The following MACROD2 variants were observed in gnomAD, a reference collection of about 807,000 sequenced individuals.
MACROD2 encodes the protein mono-ADP ribosylhydrolase 2.
In MACROD2, 36 loss-of-function variants were observed where a neutral mutation model predicts 70.4. The ratio of observed to expected loss-of-function variants is 0.51; its 90% CI spans 0.39 to 0.68. MACROD2 has a LOEUF of 0.68. MACROD2 is among the 30% of genes least tolerant of loss of function. MACROD2 has a pLI of 0.00. For missense variants in MACROD2, 496 were observed against 538.4 expected (o/e 0.92, Z 0.78); for synonymous variants, 172 against 178.8 (o/e 0.96, Z 0.30).
At chr20:15,720,598 G>A (rs1169775657) in intron 8 of MACROD2, among the ~76,000 whole-genome samples, 4 of 152,034 alleles carry the variant, frequency 2.6e-5, no homozygotes, top group Admixed American at 1.3e-4. Flanking sequence ...TTAGTGTTTC[G>A]GTTATGGGTT....
At chr20:15,338,969 C>T (rs1039382900) in intron 6 of MACROD2, among the ~76,000 whole-genome samples, 3 of 151,796 alleles carry the variant, frequency 2.0e-5, no homozygotes, top group Non-Finnish European at 2.9e-5. Flanking sequence ...CATTTGGCAG[C>T]CACTGAAGCT....
intron 8 of MACROD2, among the ~76,000 whole-genome samples, chr20:15,858,977 TAAC>T (rs2147158479): frequency 6.6e-6 from 1 of 152,302 alleles, no homozygotes; most frequent in East Asian, 1.9e-4. Context: ...CCCAGGTACT[TAAC>T]TACTAATAGC....
chr20:14,938,516 C>T (rs1250032290), intron 5 of MACROD2, among the ~76,000 whole-genome samples: 1 of 152,096 alleles, frequency 6.6e-6, no homozygotes, highest in African/African-American at 2.4e-5. Context: ...CACAGTGGCT[C>T]ACACCTGTAA....
At chr20:14,120,140 G>T (rs147292221) in intron 3 of MACROD2, among the ~76,000 whole-genome samples, 473 of 146,122 alleles carry the variant, frequency 3.2e-3, no homozygotes, top group East Asian at 0.011. Flanking sequence ...TTGAACCCAG[G>T]AGGCAAAGGT....
intron 3 of MACROD2, among the ~76,000 whole-genome samples, chr20:14,265,294 G>C (rs1357958741): frequency 1.3e-5 from 2 of 152,130 alleles, no homozygotes; most frequent in Non-Finnish European, 2.9e-5. Flanking sequence ...GTCCTGGTAA[G>C]GGTTGTATGA....
intron 6 of MACROD2, among the ~76,000 whole-genome samples, chr20:15,317,708 G>A (rs1288696484): frequency 6.6e-6 from 1 of 151,816 alleles, no homozygotes; most frequent in African/African-American, 2.4e-5. Flanking sequence ...GAGTCTAAAG[G>A]CAGAAAAATA....
intron 8 of MACROD2, among the ~76,000 whole-genome samples, chr20:15,734,954 GTGTTTGTT>G (rs529238312): frequency 2.6e-5 from 4 of 152,090 alleles, no homozygotes; most frequent in South Asian, 4.2e-4. Context: ...CTTGAGTTTT[GTGTTTGTT>G]TGTTTGTTTG....
At chr20:14,531,344 G>A (rs1228443965) in intron 4 of MACROD2, among the ~76,000 whole-genome samples, 1 of 152,140 alleles carries the variant, frequency 6.6e-6, no homozygotes, top group African/African-American at 2.4e-5. Context: ...AAGGTCAGAG[G>A]GATACTGGAG....
intron 3 of MACROD2, among the ~76,000 whole-genome samples, chr20:14,372,177 A>C (rs2083331441): frequency 6.6e-6 from 1 of 152,218 alleles, no homozygotes; most frequent in Non-Finnish European, 1.5e-5. Flanking sequence ...TGTACTCGGA[A>C]GTACTACATC....
At chr20:14,433,115 C>T (rs1022370485) in intron 3 of MACROD2, among the ~76,000 whole-genome samples, 1 of 151,970 alleles carries the variant, frequency 6.6e-6, no homozygotes, top group African/African-American at 2.4e-5. Flanking sequence ...AAAAATAGAC[C>T]AGTTCATATT....
intron 6 of MACROD2, among the ~76,000 whole-genome samples, chr20:15,335,802 T>C (rs2146198798): frequency 6.6e-6 from 1 of 151,776 alleles, no homozygotes; most frequent in East Asian, 1.9e-4. Context: ...ATGAGGTTCT[T>C]GAATCTGCAC....
chr20:15,394,772 A>G (rs905381311), intron 6 of MACROD2, among the ~76,000 whole-genome samples: 3 of 152,174 alleles, frequency 2.0e-5, no homozygotes, highest in East Asian at 3.9e-4. Context: ...AACTCACCTC[A>G]ATTACAGGGT....
At chr20:15,179,706 C>A (rs2076487138) in intron 5 of MACROD2, among the ~76,000 whole-genome samples, 1 of 152,180 alleles carries the variant, frequency 6.6e-6, no homozygotes, top group African/African-American at 2.4e-5. Context: ...CTTTTTCCCT[C>A]CTACCTATGA....
At chr20:15,567,181 A>C (rs574255557) in intron 8 of MACROD2, among the ~76,000 whole-genome samples, 1 of 152,240 alleles carries the variant, frequency 6.6e-6, no homozygotes, top group African/African-American at 2.4e-5. Context: ...TAATAGTTAA[A>C]GTAAATATTT....
chr20:14,520,967 A>ACG (rs2085162193), intron 4 of MACROD2, among the ~76,000 whole-genome samples: 1 of 92,714 alleles, frequency 1.1e-5, no homozygotes. Context: ...GCACACACAC[A>ACG]CACACACGCA....
intron 10 of MACROD2, among the ~76,000 whole-genome samples, chr20:15,888,440 G>T (rs1236984758): frequency 6.6e-6 from 1 of 152,102 alleles, no homozygotes; most frequent in Non-Finnish European, 1.5e-5. Flanking sequence ...CCCGGTATAA[G>T]GGCCTTATCT....
At chr20:14,123,527 G>A (rs1436545807) in intron 3 of MACROD2, among the ~76,000 whole-genome samples, 3 of 152,124 alleles carry the variant, frequency 2.0e-5, no homozygotes, top group Non-Finnish European at 2.9e-5. Context: ...ATCTTGCAGT[G>A]CGGCATACCA....
At position 15,967,646 on chromosome 20, in the gene MACROD2, C is replaced by CT. The variant is rs771800449; in HGVS notation, c.985+19dup. ...CATCCCGATGGTAGGTTGTGAAATCCTTTATTAGATTTTCTTTTCTTCTGC... is the reference window on the plus strand; with the variant it reads ...CATCCCGATGGTAGGTTGTGAAATCCTTTTATTAGATTTTCTTTTCTTCTGC... On this transcript the variant is annotated intron_variant, in intron 13 of 17. Transcript: ENST00000684519. 30 of 1,205,760 alleles carry CT rather than the reference C, an allele frequency of 2.5e-5. No homozygotes were observed. Among genetic ancestry groups the CT allele is most frequent in the Non-Finnish European group, 2.8e-5 (24 of 867,712 alleles). The allele number at this position is 1,205,760 out of a possible 1,614,324, so 74.7% of individuals were successfully genotyped here. A position where few individuals can be genotyped will look rare whatever the true frequency, so the allele number is the denominator to read the frequency against.
In MACROD2 at chr20:15,789,249, A is replaced by G. The variant is rs1368628716; in HGVS notation, c.646-73496A>G. The stretch of plus-strand genomic sequence containing the variant: ...ACATTCAAAGGAGTTTTAGCTTCTA[A>G]AGAATAGCCTTTGGTTGAAAGCATG... On this transcript the variant is annotated intron_variant, in intron 8 of 17. Transcript: ENST00000684519. Among the ~76,000 whole-genome samples, 5 of 152,192 alleles carry G rather than the reference A, an allele frequency of 3.3e-5. No homozygotes were observed. In the East Asian group the frequency reaches 9.6e-4, roughly 29 times the overall value.
Sources: gnomAD v4.1 joint callset for allele counts (sites outside exome capture counted in the v4.1 genomes callset) on GRCh38, gnomAD v4.1.1 for gene constraint, MANE v1.5 for transcripts, NCBI Gene and HGNC (gene_info 2026-07-23, HGNC 2026-07-21) for gene names.